Variants in ITIH2 observed in about 807,000 individuals in gnomAD.
The protein encoded by ITIH2 is inter-alpha-trypsin inhibitor heavy chain 2.
In ITIH2, 103 loss-of-function variants were observed where a neutral mutation model predicts 104.4. The observed-to-expected ratio is 0.99, with a 90% CI of 0.84 to 1.16. The LOEUF (loss-of-function observed/expected upper bound fraction) is 1.16, where lower values mean the gene tolerates loss of function less well. Among genes scored for constraint, ITIH2 ranks in the 50% most tolerant of loss-of-function variants. The probability of loss-of-function intolerance (pLI) is 0.00; values close to 1 mark genes in which losing one functional copy is unlikely to be tolerated. For missense variants in ITIH2, 1,108 were observed against 1,162.4 expected (o/e 0.95, Z 0.68); for synonymous variants, 436 against 435.4 (o/e 1.00, Z -0.02).
intron 16 of ITIH2, 132 bp from the exon 17 acceptor site, chr10:7,743,014 A>C: frequency 1.6e-6 from 1 of 609,876 alleles, no homozygotes. Context: ...GACCTGGAGG[A>C]GTACCGAGCA....
intron 16 of ITIH2, 91 bp downstream of exon 16, chr10:7,738,849 A>C: frequency 1.6e-5 from 21 of 1,337,658 alleles, no homozygotes; most frequent in Non-Finnish European, 1.9e-5. Context: ...GCAGCGGCTC[A>C]CGCCTGTAAT....
In ITIH2 at chr10:7,717,315, T is replaced by A. The variant is rs78519925; in HGVS notation, c.468-311T>A. 1.6e-3 allele frequency among the ~76,000 whole-genome samples: 249 copies of A among 152,346 alleles called. 4 individuals carry two copies. Among genetic ancestry groups the A allele is most frequent in the African/African-American group, 5.9e-3 (244 of 41,588 alleles). ...TGATCTCCATATTGCAGAGCAGCTA[T>A]ATCAGCAATGATAGATGTCAAATTC... On this transcript the variant is annotated intron_variant, in intron 5 of 20. Transcript: ENST00000358415.
intron 5 of ITIH2, among the ~76,000 whole-genome samples, chr10:7,713,716 G>C (rs1241705262): frequency 6.6e-6 from 1 of 152,066 alleles, no homozygotes; most frequent in Non-Finnish European, 1.5e-5. Context: ...AGTTGTTGTT[G>C]TTGTTGTTTG....
At position 7,721,830 on chromosome 10, in the gene ITIH2, T is replaced by C. The variant is rs189219016; in HGVS notation, c.867+53T>C. 6.4e-5 allele frequency: 103 copies of C among 1,599,034 alleles called. No homozygotes were observed. In the African/African-American group the frequency reaches 1.3e-3, roughly 20 times the overall value. ...TGCCAAGCTCGTGCCAAAGAGCTGC[T>C]CCTTTTTGAACAAACTCCCAGGCCT... On this transcript the variant is annotated intron_variant, in intron 8 of 20. Transcript: ENST00000358415.
At chr10:7,720,782 T>C in intron 6 of ITIH2, 74 bp from the exon 7 acceptor site, 1 of 927,302 alleles carries the variant, frequency 1.1e-6, no homozygotes, top group Non-Finnish European at 1.8e-6. Flanking sequence ...AGGACTTATT[T>C]GTAATTTTAC....
chr10:7,719,581 A>C (rs1834881539), intron 6 of ITIH2, among the ~76,000 whole-genome samples: 1 of 151,858 alleles, frequency 6.6e-6, no homozygotes, highest in African/African-American at 2.4e-5. Context: ...GCACAGCGAT[A>C]CCTCACCTCT....
chr10:7,703,664 A>ATT (rs1834718297), intron 1 of ITIH2, 146 bp downstream of exon 1: 1 of 611,370 alleles, frequency 1.6e-6, no homozygotes, highest in African/African-American at 1.9e-5. Flanking sequence ...TACTGTTATA[A>ATT]TTACTGGAAT....
chr10:7,729,846 C>A, intron 11 of ITIH2, 106 bp from the exon 12 acceptor site: 1 of 620,440 alleles, frequency 1.6e-6, no homozygotes, highest in Non-Finnish European at 2.7e-6. Flanking sequence ...AAGGGAAATG[C>A]AGTTTTAATC....
chr10:7,704,805 G>A (rs889963919), intron 1 of ITIH2, among the ~76,000 whole-genome samples: 4 of 152,050 alleles, frequency 2.6e-5, no homozygotes, highest in African/African-American at 7.2e-5. Context: ...ATCATTCTCA[G>A]CAAAGTAACA....
Position 7,748,231 on chromosome 10 carries a change from A to AT in ITIH2, c.2694-956_2694-955insT, listed in dbSNP as rs1564309180. Among the ~76,000 whole-genome samples the AT allele has an allele frequency of 4.2e-4, 61 of 144,476 alleles. 1 individual carries two copies. In the South Asian group the frequency reaches 0.012, roughly 27 times the overall value. The allele number at this position is 144,476 out of a possible 152,430, so 94.8% of individuals were successfully genotyped here. ...ATATATATTTATATATACATATATA[A>AT]ATAAATATATGTATACATATATATA... On this transcript the variant is annotated intron_variant, in intron 20 of 20. Coordinates refer to ENST00000358415, the MANE Select transcript of ITIH2 (RefSeq NM_002216.3).
chr10:7,737,193 G>C (rs148649644), intron 15 of ITIH2, among the ~76,000 whole-genome samples: 63 of 151,238 alleles, frequency 4.2e-4, no homozygotes, highest in African/African-American at 1.5e-3. Context: ...CTTTAGGAAC[G>C]AGTCTGTGTC....
intron 2 of ITIH2, among the ~76,000 whole-genome samples, chr10:7,706,434 C>G (rs1021567427): frequency 3.3e-5 from 5 of 152,212 alleles, no homozygotes; most frequent in Non-Finnish European, 7.3e-5. Flanking sequence ...TTCCTCAGGA[C>G]AGTCAAGTGT....
At chr10:7,749,069 AG>A in intron 20 of ITIH2, 117 bp from the exon 21 acceptor site, 1 of 949,818 alleles carries the variant, frequency 1.1e-6, no homozygotes, top group Non-Finnish European at 1.6e-6. Flanking sequence ...GAGCAGCGAT[AG>A]GTGGGGGGCG....
chr10:7,727,791 G>A lies in ITIH2; in HGVS notation c.1242G>A (p.Ser414=), dbSNP rs756497031. The A allele has an allele frequency of 1.8e-5, 29 of 1,614,010 alleles. No individual in the cohort carries two copies. The highest frequency in any genetic ancestry group is 5.5e-5 in the South Asian group (5 of 91,078). The change falls in exon 11 of 21, where the codon TCG becomes TCA. Residue 414 remains serine (S), a synonymous_variant. Transcript: ENST00000358415. Reference sequence around the variant, plus strand: ...GACTGTTAGACCCCAACTCCGTCTCGCTGATCATTTTGGTTTCTGATGGAG... The same window carrying A: ...GACTGTTAGACCCCAACTCCGTCTCACTGATCATTTTGGTTTCTGATGGAG... ...NLGLLDPNSV[S]LIILVSDGDP...
At chr10:7,707,083 A>G in intron 2 of ITIH2, 118 bp from the exon 3 acceptor site, 1 of 582,870 alleles carries the variant, frequency 1.7e-6, no homozygotes, top group South Asian at 2.9e-5. Context: ...CAGTGAATGA[A>G]TAACAGCTCA....
At chr10:7,741,406 C>G (rs1488738785) in intron 16 of ITIH2, among the ~76,000 whole-genome samples, 1 of 152,038 alleles carries the variant, frequency 6.6e-6, no homozygotes, top group African/African-American at 2.4e-5. Context: ...TCTCGAATGC[C>G]TGACCTCGTG....
At chr10:7,710,092 T>A (rs59778740) in intron 4 of ITIH2, among the ~76,000 whole-genome samples, 7,659 of 152,288 alleles carry the variant, frequency 0.05, 353 homozygotes, top group East Asian at 0.15. Flanking sequence ...GACCTCGTGA[T>A]CTGCCCGCCT....
Position 7,703,523 on chromosome 10 carries a change from G to A in ITIH2, c.84+5G>A. 6.3e-7 allele frequency: 1 copy of A among 1,582,096 alleles called. No individual in the cohort carries two copies. The highest frequency in any genetic ancestry group is 8.7e-7 in the Non-Finnish European group (1 of 1,151,092). On this transcript the variant is annotated splice_donor_5th_base_variant and intron_variant, in intron 1 of 20. Coordinates refer to ENST00000358415, the MANE Select transcript of ITIH2 (RefSeq NM_002216.3). ...CCCATAAATGGACTTTCTGAAGTAA[G>A]TACTTACAGATCACTCCTTGCTGTT...
At chr10:7,714,002 C>T (rs17142938) in intron 5 of ITIH2, among the ~76,000 whole-genome samples, 34,759 of 151,800 alleles carry the variant, frequency 0.23, 5,293 homozygotes, top group African/African-American at 0.42. Context: ...ATAGGGTCTT[C>T]TTAAGCATCA....
Sources: allele counts gnomAD v4.1 joint callset (sites outside exome capture counted in the v4.1 genomes callset), GRCh38; gene constraint gnomAD v4.1.1; transcripts MANE v1.5; gene names NCBI Gene and HGNC (gene_info 2026-07-23, HGNC 2026-07-21).